Variants in PCDH15 observed in about 807,000 individuals in gnomAD.
PCDH15 encodes the protein protocadherin-15.
PCDH15 carries 129 observed loss-of-function variants against 178.5 expected under a neutral mutation model. The observed-to-expected ratio is 0.72, with a 90% CI of 0.63 to 0.84. PCDH15 has a LOEUF of 0.84. Ranked by LOEUF, PCDH15 falls within the 40% of genes least tolerant of loss-of-function variation. The probability of loss-of-function intolerance (pLI) is 0.00; values close to 1 mark genes in which losing one functional copy is unlikely to be tolerated. For synonymous variants in PCDH15, 800 were observed against 732.0 expected (o/e 1.09, Z -1.50); for missense variants, 2,230 against 2,099.9 (o/e 1.06, Z -1.21).
At chr10:55,095,010 C>T (rs1290812281) in intron 2 of PCDH15, among the ~76,000 whole-genome samples, 1 of 150,938 alleles carries the variant, frequency 6.6e-6, no homozygotes, top group Non-Finnish European at 1.5e-5. Context: ...CAGCCTCAAC[C>T]ACCCTGGCTC....
chr10:55,129,749 G>C (rs1034971301), intron 2 of PCDH15, among the ~76,000 whole-genome samples: 1 of 151,828 alleles, frequency 6.6e-6, no homozygotes, highest in African/African-American at 2.4e-5. Flanking sequence ...ATACTTATTC[G>C]TTGATTTACC....
At chr10:55,568,612 A>C (rs541161240) in intron 2 of PCDH15, among the ~76,000 whole-genome samples, 1 of 152,172 alleles carries the variant, frequency 6.6e-6, no homozygotes, top group Non-Finnish European at 1.5e-5. Context: ...CAGAATTATG[A>C]GTTTGGCTTT....
intron 2 of PCDH15, among the ~76,000 whole-genome samples, chr10:55,016,526 G>A (rs1294681438): frequency 1.3e-5 from 2 of 152,020 alleles, no homozygotes; most frequent in Non-Finnish European, 2.9e-5. Flanking sequence ...TTCTGTGCCT[G>A]GCTTATTTCA....
intron 3 of PCDH15, among the ~76,000 whole-genome samples, chr10:54,523,086 G>C (rs553308505): frequency 2.0e-5 from 3 of 152,236 alleles, no homozygotes; most frequent in South Asian, 4.1e-4. Flanking sequence ...AATGTGTCCT[G>C]AGGTACATGA....
At chr10:54,658,200 A>T (rs934987795) in intron 2 of PCDH15, among the ~76,000 whole-genome samples, 6 of 152,124 alleles carry the variant, frequency 3.9e-5, no homozygotes, top group African/African-American at 1.4e-4. Context: ...AGAAAGAAAC[A>T]TGAAAAATAT....
intron 27 of PCDH15, among the ~76,000 whole-genome samples, chr10:53,865,189 C>T (rs2079366904): frequency 6.6e-6 from 1 of 152,090 alleles, no homozygotes; most frequent in Non-Finnish European, 1.5e-5. Context: ...AGAAAGGAGA[C>T]AGTTGGAATT....
intron 8 of PCDH15, among the ~76,000 whole-genome samples, chr10:54,297,065 G>A (rs886898967): frequency 6.6e-6 from 1 of 152,056 alleles, no homozygotes; most frequent in Non-Finnish European, 1.5e-5. Flanking sequence ...AGGGTCCAGG[G>A]ACTGTTGTGG....
At chr10:55,163,616 A>T (rs1839117831) in intron 2 of PCDH15, among the ~76,000 whole-genome samples, 1 of 152,156 alleles carries the variant, frequency 6.6e-6, no homozygotes, top group Non-Finnish European at 1.5e-5. Context: ...AGATTACGGT[A>T]AAGAAGCTGC....
chr10:53,819,969 A>G (rs959939449), intron 33 of PCDH15, among the ~76,000 whole-genome samples, 196 bp downstream of exon 33: 2 of 152,070 alleles, frequency 1.3e-5, no homozygotes, highest in Non-Finnish European at 2.9e-5. Flanking sequence ...GTAAAATGTT[A>G]TAGAAAAAGG....
intron 2 of PCDH15, among the ~76,000 whole-genome samples, chr10:55,019,058 G>T (rs1472094998): frequency 1.3e-5 from 2 of 152,014 alleles, no homozygotes; most frequent in African/African-American, 2.4e-5. Context: ...TTATTTTGCA[G>T]CTCTTTATCA....
intron 23 of PCDH15, among the ~76,000 whole-genome samples, chr10:53,948,515 G>C (rs973483932): frequency 6.6e-6 from 1 of 152,156 alleles, no homozygotes; most frequent in Admixed American, 6.5e-5. Context: ...TGTGTGAAAA[G>C]TTTACCAGAG....
chr10:55,369,565 A>G (rs1845449505), intron 2 of PCDH15, among the ~76,000 whole-genome samples: 1 of 152,124 alleles, frequency 6.6e-6, no homozygotes, highest in Non-Finnish European at 1.5e-5. Context: ...GACTATACAA[A>G]TACATTAACT....
intron 2 of PCDH15, among the ~76,000 whole-genome samples, chr10:55,502,228 C>G (rs1434107100): frequency 6.6e-6 from 1 of 151,554 alleles, no homozygotes; most frequent in Non-Finnish European, 1.5e-5. Flanking sequence ...TCTTTCTGTC[C>G]CACTTGTATT....
At chr10:55,253,490 T>C (rs1841901450) in intron 1 of PCDH15, among the ~76,000 whole-genome samples, 2 of 152,188 alleles carry the variant, frequency 1.3e-5, no homozygotes, top group Non-Finnish European at 1.5e-5. Flanking sequence ...ATTGTTATCA[T>C]AGTTTAACTT....
chr10:54,340,657 T>C (rs1942061172), intron 6 of PCDH15, among the ~76,000 whole-genome samples: 1 of 152,158 alleles, frequency 6.6e-6, no homozygotes. Context: ...AGCAAAATAC[T>C]CTTGGAAGAC....
intron 1 of PCDH15, among the ~76,000 whole-genome samples, chr10:55,225,573 C>T (rs1458399986): frequency 6.6e-6 from 1 of 151,472 alleles, no homozygotes; most frequent in Non-Finnish European, 1.5e-5. Context: ...AGCTTCATAA[C>T]TAGAGGTTCC....
At chr10:54,831,476 T>G (rs949174242) in intron 3 of PCDH15, among the ~76,000 whole-genome samples, 2 of 152,134 alleles carry the variant, frequency 1.3e-5, no homozygotes, top group African/African-American at 4.8e-5. Flanking sequence ...TTGTGATGTC[T>G]GCTAACTTAT....
chr10:55,443,291 G>T (rs761571977), intron 2 of PCDH15, among the ~76,000 whole-genome samples: 1 of 152,046 alleles, frequency 6.6e-6, no homozygotes, highest in Non-Finnish European at 1.5e-5. Context: ...TGACAAACGG[G>T]ATTTAATTAA....
intron 2 of PCDH15, among the ~76,000 whole-genome samples, chr10:55,529,465 C>T (rs1020602289): frequency 2.6e-5 from 4 of 151,776 alleles, no homozygotes; most frequent in African/African-American, 9.7e-5. Context: ...ATCCTCCTGC[C>T]TTGGCCTCCC....
Sources: gnomAD v4.1 joint callset for allele counts (sites outside exome capture counted in the v4.1 genomes callset) on GRCh38, gnomAD v4.1.1 for gene constraint, MANE v1.5 for transcripts, NCBI Gene and HGNC (gene_info 2026-07-23, HGNC 2026-07-21) for gene names.